The following AS3MT variants were observed in gnomAD, a reference collection of about 807,000 sequenced individuals.
AS3MT encodes the protein S-adenosyl-L-methionine:arsenic(III) methyltransferase.
In AS3MT, 47 loss-of-function variants were observed where a neutral mutation model predicts 45.3. The ratio of observed to expected loss-of-function variants is 1.04; its 90% CI spans 0.82 to 1.32. The LOEUF is 1.32. Among genes scored for constraint, AS3MT ranks in the 40% most tolerant of loss-of-function variants. The pLI is 0.00. For synonymous variants in AS3MT, 141 were observed against 152.8 expected, an observed-to-expected ratio of 0.92 and a Z score of 0.57; for missense variants, 396 against 451.1, an observed-to-expected ratio of 0.88 and a Z score of 1.11.
Position 102,900,768 on chromosome 10 carries a change from C to T in AS3MT, c.*68C>T. 1 of 1,217,936 alleles carries T rather than the reference C, an allele frequency of 8.2e-7. No homozygotes were observed. Among genetic ancestry groups the T allele is most frequent in the Non-Finnish European group, 1.2e-6 (1 of 824,464 alleles). 75.4% of individuals were successfully genotyped at this position (1,217,936 alleles called of 1,614,324 possible). A position where few individuals can be genotyped will look rare whatever the true frequency, so the allele number is the denominator to read the frequency against. ...TCTGCATGTTTTTTAACCTGCTTTT[C>T]CCCATAGCACAGACCATAAGAAACA... On this transcript the variant is annotated 3_prime_UTR_variant, in exon 11 of 11. Transcript: ENST00000369880.
At chr10:102,879,032 C>T in intron 9 of AS3MT, 41 bp downstream of exon 9, 1 of 1,583,398 alleles carries the variant, frequency 6.3e-7, no homozygotes, top group Non-Finnish European at 8.6e-7. Flanking sequence ...ATTCTTTCTG[C>T]TCTTGCCCTT....
chr10:102,886,009 T>C (rs1016785833), intron 9 of AS3MT, among the ~76,000 whole-genome samples: 2 of 152,174 alleles, frequency 1.3e-5, no homozygotes, highest in Admixed American at 6.5e-5. Context: ...TTCCAGTGTG[T>C]ACATATACTA....
intron 3 of AS3MT, among the ~76,000 whole-genome samples, chr10:102,871,818 C>T (rs1844694480): frequency 6.6e-6 from 1 of 152,154 alleles, no homozygotes; most frequent in Admixed American, 6.5e-5. Flanking sequence ...ATAACTAGCG[C>T]AGTCCTGGGC....
At chr10:102,880,849 GA>G in intron 9 of AS3MT, among the ~76,000 whole-genome samples, 1 of 152,224 alleles carries the variant, frequency 6.6e-6, no homozygotes, top group African/African-American at 2.4e-5. Context: ...AATACAGAAG[GA>G]ACAAAAACAT....
At chr10:102,878,277 A>AGATCT in intron 7 of AS3MT, 102 bp from the exon 8 acceptor site, 1 of 1,472,196 alleles carries the variant, frequency 6.8e-7, no homozygotes, top group South Asian at 1.3e-5. Context: ...TCTATGTTTT[A>AGATCT]ACTAATACCA....
chr10:102,895,871 G>A (rs1845160940), intron 10 of AS3MT, among the ~76,000 whole-genome samples: 1 of 152,006 alleles, frequency 6.6e-6, no homozygotes, highest in South Asian at 2.1e-4. Context: ...CGCCTCCTGG[G>A]TTCAAGCGGT....
Position 102,878,975 on chromosome 10 carries a change from C to A in AS3MT, c.869C>A (p.Ala290Asp), listed in dbSNP as rs755252196. The A allele has an allele frequency of 5.6e-6, 9 of 1,611,210 alleles. No individual in the cohort carries two copies. In the South Asian group the frequency reaches 7.7e-5, roughly 14 times the overall value. Reference protein sequence around the residue: ...TGHEKELMFDANFTFKEGEIV... With the variant: ...TGHEKELMFDDNFTFKEGEIV... ...CATGAAAAAGAACTAATGTTTGATG[C>A]CAATTTTACATTTAAGGTAAATAAA... The change falls in exon 9 of 11, where the codon GCC becomes GAC. Residue 290 changes from alanine (A) to aspartate (D), a missense_variant. Physicochemically the swap from Ala to Asp is moderately radical, Grantham distance 126. Coordinates refer to ENST00000369880, the MANE Select transcript of AS3MT (RefSeq NM_020682.4).
At chr10:102,889,967 C>T (rs1407786894) in intron 9 of AS3MT, among the ~76,000 whole-genome samples, 1 of 150,830 alleles carries the variant, frequency 6.6e-6, no homozygotes, top group African/African-American at 2.4e-5. Flanking sequence ...TGTGAGCCAC[C>T]GTACACAGCC....
At position 102,870,139 on chromosome 10, in the gene AS3MT, T is replaced by C; in HGVS notation, c.98T>C (p.Val33Ala). 1 of 1,614,022 alleles carries C rather than the reference T, an allele frequency of 6.2e-7. No individual in the cohort carries two copies. The highest frequency in any genetic ancestry group is 1.1e-5 in the South Asian group (1 of 91,082). The change falls in exon 3 of 11, where the codon GTC (valine) becomes GCC (alanine). Residue 33 changes from valine (V) to alanine (A), a missense_variant. Val to Ala is a moderately conservative substitution (Grantham distance 64). Coordinates refer to ENST00000369880, the MANE Select transcript of AS3MT (RefSeq NM_020682.4). ...GCAGACCTCCAGACCAACGGCTGTG[T>C]CACCACAGCCAGGCCGGTCCCCAAG... The part of the protein sequence containing the change: ...RSADLQTNGC[V>A]TTARPVPKHI...
At chr10:102,890,798 C>A (rs1845057898) in intron 10 of AS3MT, 120 bp downstream of exon 10, 1 of 902,866 alleles carries the variant, frequency 1.1e-6, no homozygotes. Context: ...GCAACCTCCG[C>A]CTCCTGGGTT....
At chr10:102,885,919 G>A (rs1270391238) in intron 9 of AS3MT, among the ~76,000 whole-genome samples, 3 of 151,636 alleles carry the variant, frequency 2.0e-5, no homozygotes, top group African/African-American at 4.8e-5. Flanking sequence ...CGCCTGCCTC[G>A]GCCTCCCAAA....
At chr10:102,895,535 T>C (rs951174395) in intron 10 of AS3MT, among the ~76,000 whole-genome samples, 9 of 152,140 alleles carry the variant, frequency 5.9e-5, no homozygotes, top group African/African-American at 2.2e-4. Context: ...ATTATGTCTT[T>C]ATTCATTTTG....
Position 102,873,227 on chromosome 10 carries a change from T to A in AS3MT, c.452T>A (p.Ile151Asn), listed in dbSNP as rs1433349197. ...GGAATCAAGAATGAGAGCCATGATA[T>A]TGTTGTGTAGGTCTATATTCTTACT... ...EAGIKNESHDIVVSNCVINLV... is the reference protein window; with the variant it reads ...EAGIKNESHDNVVSNCVINLV... The change falls in exon 5 of 11, where the codon ATT becomes AAT. Residue 151 changes from isoleucine to asparagine, a missense_variant. By Grantham distance (149) the Ile-to-Asn change is moderately radical (BLOSUM62 -3). Coordinates refer to ENST00000369880, the MANE Select transcript of AS3MT (RefSeq NM_020682.4). 1 of 1,601,624 alleles carries A rather than the reference T, an allele frequency of 6.2e-7. No individual in the cohort carries two copies. The highest frequency in any genetic ancestry group is 1.1e-5 in the South Asian group (1 of 87,974).
intron 3 of AS3MT, 87 bp from the exon 4 acceptor site, chr10:102,872,361 G>C (rs888334052): frequency 7.3e-6 from 10 of 1,371,702 alleles, no homozygotes; most frequent in Non-Finnish European, 1.0e-5. Context: ...AACGGAGGGA[G>C]GGAGGGAGGA....
intron 5 of AS3MT, 144 bp downstream of exon 5, chr10:102,873,377 T>G: frequency 1.9e-6 from 1 of 526,722 alleles, no homozygotes; most frequent in Non-Finnish European, 2.9e-6. Context: ...GCCTCCCGGG[T>G]TCAACTGATT....
chr10:102,874,224 G>A (rs1160895730), intron 5 of AS3MT, among the ~76,000 whole-genome samples: 3 of 151,080 alleles, frequency 2.0e-5, no homozygotes, highest in Non-Finnish European at 4.4e-5. Context: ...TTGTACTCCA[G>A]CCTGGGCAAC....
chr10:102,873,114 G>T lies in AS3MT; in HGVS notation c.339G>T (p.Lys113Asn). The T allele has an allele frequency of 6.3e-7, 1 of 1,591,994 alleles. No individual in the cohort carries two copies. The highest frequency in any genetic ancestry group is 8.5e-7 in the Non-Finnish European group (1 of 1,173,966). ...TACTTTAGGTGGAAGTGGCTGAAAA[G>T]TATCTTGACTATCACATGGAAAAAT... ...MTKGQVEVAE[K>N]YLDYHMEKYG... The change falls in exon 5 of 11, where the codon AAG becomes AAT. Residue 113 changes from lysine to asparagine, a missense_variant. Physicochemically the swap from Lys to Asn is moderately conservative, Grantham distance 94. Transcript: ENST00000369880.
chr10:102,893,284 A>G (rs1242543355), intron 10 of AS3MT, among the ~76,000 whole-genome samples: 1 of 151,884 alleles, frequency 6.6e-6, no homozygotes, highest in Non-Finnish European at 1.5e-5. Flanking sequence ...ATTAATGCCT[A>G]TCCACATCCA....
chr10:102,877,887 G>A (rs371523211), intron 7 of AS3MT, among the ~76,000 whole-genome samples: 21 of 151,420 alleles, frequency 1.4e-4, no homozygotes, highest in Middle Eastern at 3.2e-3. Flanking sequence ...CAAGTAGCTG[G>A]GATTACAGGT....
Sources: allele counts gnomAD v4.1 joint callset (sites outside exome capture counted in the v4.1 genomes callset), GRCh38; gene constraint gnomAD v4.1.1; transcripts MANE v1.5; gene names NCBI Gene and HGNC (gene_info 2026-07-23, HGNC 2026-07-21).